GBF1: variants seen among roughly 807,000 people sequenced by gnomAD.
GBF1 encodes Golgi-specific brefeldin A-resistance guanine nucleotide exchange factor 1.
A neutral mutation model predicts 210.5 loss-of-function variants in GBF1; 114 were observed. The ratio of observed to expected loss-of-function variants is 0.54; its 90% CI spans 0.47 to 0.63. The LOEUF is 0.63. GBF1 is among the 30% of genes least tolerant of loss of function. The pLI, the probability that GBF1 is intolerant of heterozygous loss-of-function variation, is 0.00. For missense variants in GBF1, 1,851 were observed against 2,357.7 expected (o/e 0.79, Z 4.45); for synonymous variants, 850 against 889.2 (o/e 0.96, Z 0.78).
chr10:102,379,504 CCTGCTCTTGCTCT>C lies in GBF1; in HGVS notation c.4646-15_4646-3del. 1 of 1,614,048 alleles carries C rather than the reference CCTGCTCTTGCTCT, an allele frequency of 6.2e-7. No homozygotes were observed. ...ATCAAGATGCCTGAAGGATCCTGAC[CCTGCTCTTGCTCT>C]CAGGTATTGCCTGCCTGTGCTGCGA... is the stretch of plus-strand genomic sequence containing the variant. On this transcript the variant is annotated splice_region_variant and splice_polypyrimidine_tract_variant and intron_variant, in intron 34 of 39. Coordinates refer to ENST00000369983, the MANE Select transcript of GBF1 (RefSeq NM_001377137.1).
chr10:102,274,009 A>C (rs1172693985), intron 3 of GBF1, among the ~76,000 whole-genome samples: 1 of 152,192 alleles, frequency 6.6e-6, no homozygotes, highest in African/African-American at 2.4e-5. Context: ...ACTCCAAAAG[A>C]GCATCTTCTC....
rs755909292 is a variant in GBF1, at chr10:102,361,803, T to C, written c.1577T>C (p.Ile526Thr). 2.6e-5 allele frequency: 42 copies of C among 1,612,612 alleles called. No individual in the cohort carries two copies. The highest frequency in any genetic ancestry group is 1.3e-4 in the East Asian group (6 of 44,890). Reference sequence around the variant, plus strand: ...ATGAAGGAGATGGCACTGGAGGCCATTGTGCAGCTCTGGCGCATCCCCAGC... The same window carrying C: ...ATGAAGGAGATGGCACTGGAGGCCACTGTGCAGCTCTGGCGCATCCCCAGC... Reference protein sequence around the residue: ...YEMKEMALEAIVQLWRIPSFV... With the variant: ...YEMKEMALEATVQLWRIPSFV... Residue 526 changes from isoleucine (I) to threonine (T), a missense_variant, in exon 14 of 40, where the codon ATT becomes ACT. By Grantham distance (89) the Ile-to-Thr change is moderately conservative. Around this residue, in one of 3 missense-constraint regions of GBF1, gnomAD observed 804 missense variants for 958.6 expected, o/e 0.84. Transcript: ENST00000369983.
intron 1 of GBF1, among the ~76,000 whole-genome samples, chr10:102,249,319 G>T (rs1400971987): frequency 6.6e-6 from 1 of 152,188 alleles, no homozygotes; most frequent in Non-Finnish European, 1.5e-5. Flanking sequence ...GATAGAGAAG[G>T]TTTGTTTTAT....
chr10:102,358,922 G>A (rs1032309228), intron 10 of GBF1, among the ~76,000 whole-genome samples, 193 bp downstream of exon 10: 1 of 152,184 alleles, frequency 6.6e-6, no homozygotes, highest in African/African-American at 2.4e-5. Flanking sequence ...GTGAGAGATA[G>A]CTCATGAGAT....
rs1291887509 is a variant in GBF1, at chr10:102,366,820, G to A, written c.2434-265G>A. 1.3e-5 allele frequency among the ~76,000 whole-genome samples: 2 copies of A among 152,108 alleles called. No individual in the cohort carries two copies. The highest frequency in any genetic ancestry group is 3.4e-3 in the Middle Eastern group (1 of 294). ...AGGCTGGTCTCGAACTCCTGATCTCGGGTGATCCGCCCACCTCGGCCTCCC... is the reference window on the plus strand; with the variant it reads ...AGGCTGGTCTCGAACTCCTGATCTCAGGTGATCCGCCCACCTCGGCCTCCC... On this transcript the variant is annotated intron_variant, in intron 19 of 39. Transcript: ENST00000369983. This position sits in a 1 kb window ranked among gnomAD's most constrained non-coding sequence, Gnocchi z 4.0.
chr10:102,319,635 G>A (rs1002956883), intron 3 of GBF1, among the ~76,000 whole-genome samples: 2 of 151,474 alleles, frequency 1.3e-5, no homozygotes, highest in African/African-American at 4.9e-5. Context: ...AGGCACAGCT[G>A]TCCTTCTGGA....
Position 102,314,172 on chromosome 10 carries a change from A to G in GBF1, c.164-29879A>G, listed in dbSNP as rs946089755. ...TTTTTTTTTTTTTTCTGGAGTCAGG[A>G]TTACGCTCTTTTGCCCAGGCTGGAG... On this transcript the variant is annotated intron_variant, in intron 3 of 39. Coordinates refer to ENST00000369983, the MANE Select transcript of GBF1 (RefSeq NM_001377137.1). Among the ~76,000 whole-genome samples the G allele has an allele frequency of 3.4e-5, 4 of 119,146 alleles. No homozygotes were observed. In the South Asian group the frequency reaches 1.1e-3, roughly 34 times the overall value. 78.2% of individuals were successfully genotyped at this position (119,146 alleles called of 152,430 possible). A position where few individuals can be genotyped will look rare whatever the true frequency, so the allele number is the denominator to read the frequency against.
intron 3 of GBF1, among the ~76,000 whole-genome samples, chr10:102,271,178 C>T (rs1034469348): frequency 2.6e-5 from 4 of 152,020 alleles, no homozygotes; most frequent in Admixed American, 2.6e-4. Context: ...GCTGGGACTA[C>T]AGGCGCCCGC....
chr10:102,266,900 T>A (rs1351519537), intron 3 of GBF1, among the ~76,000 whole-genome samples: 1 of 152,212 alleles, frequency 6.6e-6, no homozygotes, highest in Non-Finnish European at 1.5e-5. Flanking sequence ...TAGTTTATCC[T>A]GGACAAACAC....
chr10:102,334,843 C>T (rs2057613768), intron 3 of GBF1, among the ~76,000 whole-genome samples: 1 of 145,786 alleles, frequency 6.9e-6, no homozygotes, highest in Admixed American at 6.9e-5. Flanking sequence ...AGCGAGACTT[C>T]GTCTCAAAAA....
intron 3 of GBF1, among the ~76,000 whole-genome samples, chr10:102,331,523 C>A (rs1277263177): frequency 1.3e-5 from 2 of 151,520 alleles, no homozygotes; most frequent in Non-Finnish European, 2.9e-5. Flanking sequence ...GTGTCTCAAG[C>A]CTGTAGTCCC....
intron 30 of GBF1, among the ~76,000 whole-genome samples, chr10:102,375,906 T>C (rs1360087283): frequency 1.3e-5 from 2 of 151,868 alleles, no homozygotes; most frequent in African/African-American, 4.8e-5. Flanking sequence ...TAGAATTCTG[T>C]GAGCAGACTT....
rs918850449 is a variant in GBF1 at position 102,379,603 on chromosome 10, T to C, written c.4728T>C (p.His1576=). The C allele has an allele frequency of 1.9e-6, 3 of 1,614,106 alleles. No individual in the cohort carries two copies. The highest frequency in any genetic ancestry group is 1.7e-6 in the Non-Finnish European group (2 of 1,179,958). ...ATCTGCAGCGAGCACTACTTGTACA[T>C]GATCTGCAAAAGCTAGATGCCCTGG... ...LTYLQRALLV[H]DLQKLDALEW... The change falls in exon 35 of 40, where the codon CAT becomes CAC. Residue 1576 remains histidine (H), a synonymous_variant. Coordinates refer to ENST00000369983, the MANE Select transcript of GBF1 (RefSeq NM_001377137.1).
At chr10:102,293,851 C>CA (rs2076685149) in intron 3 of GBF1, among the ~76,000 whole-genome samples, 1 of 132,790 alleles carries the variant, frequency 7.5e-6, no homozygotes, top group African/African-American at 2.8e-5. Flanking sequence ...GATCTCTGCT[C>CA]ACTGCAAGCT....
At chr10:102,379,208 G>C in intron 33 of GBF1, 76 bp from the exon 34 acceptor site, 1 of 1,416,640 alleles carries the variant, frequency 7.1e-7, no homozygotes, top group South Asian at 1.2e-5. Flanking sequence ...CTTAGTTAGG[G>C]ACAGTGAGTG....
intron 11 of GBF1, among the ~76,000 whole-genome samples, chr10:102,359,771 C>T (rs1296497235): frequency 2.7e-5 from 4 of 147,738 alleles, no homozygotes; most frequent in Non-Finnish European, 6.0e-5. Flanking sequence ...AAAAAAAAAT[C>T]CTTTTCCTTT....
Position 102,361,023 on chromosome 10 carries a change from T to A in GBF1, c.1394T>A (p.Leu465Gln). The A allele has an allele frequency of 6.9e-7, 1 of 1,453,302 alleles. No homozygotes were observed. Among genetic ancestry groups the A allele is most frequent in the Non-Finnish European group, 9.7e-7 (1 of 1,034,596 alleles). 90.0% of individuals were successfully genotyped at this position (1,453,302 alleles called of 1,614,324 possible). A position where few individuals can be genotyped will look rare whatever the true frequency, so the allele number is the denominator to read the frequency against. The change falls in exon 13 of 40, where the codon CTA becomes CAA. Residue 465 changes from leucine to glutamine, a missense_variant and splice_region_variant. By Grantham distance (113) the Leu-to-Gln change is moderately radical. Transcript: ENST00000369983. Reference sequence around the variant, plus strand: ...GGCCTACCCTGCTCTCATCTCCAGCTACTCAGCATAGAGCGACTAAACCTT... The same window carrying A: ...GGCCTACCCTGCTCTCATCTCCAGCAACTCAGCATAGAGCGACTAAACCTT... The part of the protein sequence containing the change: ...KDEMCRHLFQ[L>Q]LSIERLNLYA...
chr10:102,334,007 C>CT (rs1173935418), intron 3 of GBF1, among the ~76,000 whole-genome samples: 2 of 152,104 alleles, frequency 1.3e-5, no homozygotes, highest in Non-Finnish European at 2.9e-5. Context: ...GAACTAATTT[C>CT]TTTTTTTATC....
At chr10:102,271,442 C>G (rs2074409558) in intron 3 of GBF1, among the ~76,000 whole-genome samples, 1 of 152,076 alleles carries the variant, frequency 6.6e-6, no homozygotes, top group Non-Finnish European at 1.5e-5. Context: ...CCTTAACCTC[C>G]CAAAATTGTT....
Sources: gnomAD v4.1 joint callset for allele counts (sites outside exome capture counted in the v4.1 genomes callset) on GRCh38, gnomAD v4.1.1 for gene constraint, gnomAD v4.1.1 regional missense constraint, Gnocchi (gnomAD v3.1) non-coding constraint, MANE v1.5 for transcripts, NCBI Gene and HGNC (gene_info 2026-07-23, HGNC 2026-07-21) for gene names.